NMBR: variants seen among roughly 807,000 people sequenced by gnomAD.
The protein encoded by NMBR is neuromedin B receptor, also known as neuromedin-B receptor.
In NMBR, 16 loss-of-function variants were observed where a neutral mutation model predicts 20.5. The observed-to-expected ratio is 0.78, with a 90% CI of 0.53 to 1.19. NMBR has a LOEUF of 1.19. Ranked by LOEUF, NMBR falls within the 50% of genes most tolerant of loss-of-function variation. NMBR has a pLI of 0.00. For missense variants in NMBR, 582 were observed against 499.1 expected (o/e 1.17, Z -1.58); for synonymous variants, 212 against 196.6 (o/e 1.08, Z -0.65).
rs779170966 is a variant in NMBR at position 142,078,645 on chromosome 6, AATAGCAAGTGGT to A, written c.669_680del (p.Pro224_Ile227del). ...CAATATGATAATAATAAATGCTAAT[AATAGCAAGTGGT>A]ATGAGGAAATAGACCAAGAAAATGA... On this transcript the variant is annotated inframe_deletion, in exon 3 of 4. Coordinates refer to ENST00000258042, the MANE Select transcript of NMBR (RefSeq NM_002511.4). 70 of 1,612,988 alleles carry A rather than the reference AATAGCAAGTGGT, an allele frequency of 4.3e-5. No individual in the cohort carries two copies. In the Middle Eastern group the frequency reaches 4.9e-4, roughly 11 times the overall value.
rs756760596 is a variant in NMBR, at chr6:142,088,665, C to T, written c.-7G>A. On this transcript the variant is annotated 5_prime_UTR_variant, in exon 2 of 4. Coordinates refer to ENST00000258042, the MANE Select transcript of NMBR (RefSeq NM_002511.4). Reference sequence around the variant, plus strand: ...AAAGAGACTTAGAGGGCATGATCTCCTTTCCAGCAGAGTCCGCTGGAGTTT... The same window carrying T: ...AAAGAGACTTAGAGGGCATGATCTCTTTTCCAGCAGAGTCCGCTGGAGTTT... 3.8e-6 allele frequency: 6 copies of T among 1,594,518 alleles called. No individual in the cohort carries two copies. In the South Asian group the frequency reaches 6.6e-5, roughly 18 times the overall value.
intron 2 of NMBR, among the ~76,000 whole-genome samples, chr6:142,084,806 G>T (rs554146363): frequency 6.6e-5 from 10 of 152,088 alleles, no homozygotes; most frequent in Admixed American, 4.6e-4. Context: ...TAACTATAAC[G>T]CCAACCAGGA....
intron 1 of NMBR, among the ~76,000 whole-genome samples, chr6:142,136,353 T>C (rs1228768555): frequency 6.6e-6 from 1 of 152,232 alleles, no homozygotes; most frequent in African/African-American, 2.4e-5. Flanking sequence ...GTTTGTTTTT[T>C]TCTTGTAAAT....
At chr6:142,087,142 A>G (rs2114564828) in intron 2 of NMBR, among the ~76,000 whole-genome samples, 1 of 152,322 alleles carries the variant, frequency 6.6e-6, no homozygotes, top group South Asian at 2.1e-4. Context: ...TCTCTGTTGA[A>G]TGCTGTGTTT....
At chr6:142,105,148 G>T (rs549395823) in intron 1 of NMBR, among the ~76,000 whole-genome samples, 1 of 151,996 alleles carries the variant, frequency 6.6e-6, no homozygotes, top group Admixed American at 6.6e-5. Context: ...GGGCGGGGAG[G>T]GGGTATTTTC....
chr6:142,136,643 T>C (rs1778263142), intron 1 of NMBR, among the ~76,000 whole-genome samples: 1 of 152,214 alleles, frequency 6.6e-6, no homozygotes, highest in Non-Finnish European at 1.5e-5. Context: ...AACATTTAAG[T>C]CTTTAAACCA....
At chr6:142,098,485 C>T (rs372289428) in intron 1 of NMBR, among the ~76,000 whole-genome samples, 208 of 152,000 alleles carry the variant, frequency 1.4e-3, no homozygotes, top group Non-Finnish European at 2.5e-3. Context: ...GAGAGGTTGC[C>T]AAATAAAAAT....
In NMBR at chr6:142,074,719, C is replaced by T. The variant is rs1408544966; in HGVS notation, c.*929G>A. 1.3e-5 allele frequency among the ~76,000 whole-genome samples: 2 copies of T among 151,956 alleles called. No individual in the cohort carries two copies. The highest frequency in any genetic ancestry group is 4.8e-5 in the African/African-American group (2 of 41,404). On this transcript the variant is annotated 3_prime_UTR_variant, in exon 4 of 4. Coordinates refer to ENST00000258042, the MANE Select transcript of NMBR (RefSeq NM_002511.4). ...CTCACTGGAATTACACAAATCTTATCACATCTATACACAATCATCCAAATA... is the reference window on the plus strand; with the variant it reads ...CTCACTGGAATTACACAAATCTTATTACATCTATACACAATCATCCAAATA...
At chr6:142,111,591 G>A (rs1202424538) in intron 1 of NMBR, among the ~76,000 whole-genome samples, 6 of 152,018 alleles carry the variant, frequency 3.9e-5, no homozygotes, top group African/African-American at 9.7e-5. Context: ...TCCACCCACC[G>A]GTTTCAAATA....
chr6:142,078,992 G>C, intron 2 of NMBR, 89 bp from the exon 3 acceptor site: 1 of 842,860 alleles, frequency 1.2e-6, no homozygotes, highest in Non-Finnish European at 1.7e-6. Flanking sequence ...AAGGAAGAAA[G>C]GGAGAGAGAG....
chr6:142,113,147 GA>G (rs1258513491), intron 1 of NMBR, among the ~76,000 whole-genome samples: 3 of 151,864 alleles, frequency 2.0e-5, no homozygotes, highest in Non-Finnish European at 4.4e-5. Context: ...TTAGCATTTG[GA>G]AAAGCTGAAA....
chr6:142,094,093 T>C (rs1198828273), intron 1 of NMBR, among the ~76,000 whole-genome samples: 2 of 152,174 alleles, frequency 1.3e-5, no homozygotes. Context: ...TATCCCATTC[T>C]GTAGGTTGCC....
intron 1 of NMBR, among the ~76,000 whole-genome samples, chr6:142,146,107 T>C (rs907926869): frequency 1.3e-5 from 2 of 152,112 alleles, no homozygotes; most frequent in African/African-American, 4.8e-5. Context: ...AATATGCCGC[T>C]GAGATTGGGG....
chr6:142,113,559 A>G (rs1027123274), intron 1 of NMBR, among the ~76,000 whole-genome samples: 15 of 152,164 alleles, frequency 9.9e-5, no homozygotes, highest in African/African-American at 3.6e-4. Flanking sequence ...ATAAAACAAT[A>G]TAAAATAATT....
chr6:142,078,325 T>G (rs1776992827), intron 3 of NMBR, among the ~76,000 whole-genome samples: 1 of 152,224 alleles, frequency 6.6e-6, no homozygotes, highest in African/African-American at 2.4e-5. Flanking sequence ...TGGTGGAATG[T>G]CAGGCCTTAT....
At chr6:142,079,359 T>A (rs1257098591) in intron 2 of NMBR, among the ~76,000 whole-genome samples, 1 of 152,146 alleles carries the variant, frequency 6.6e-6, no homozygotes, top group Non-Finnish European at 1.5e-5. Flanking sequence ...AGTCTACAAG[T>A]CATTCCACTA....
chr6:142,100,789 G>C (rs537923895), intron 1 of NMBR, among the ~76,000 whole-genome samples: 1 of 152,180 alleles, frequency 6.6e-6, no homozygotes, highest in Non-Finnish European at 1.5e-5. Context: ...GACTATGTAC[G>C]TGTGTTGGTA....
At position 142,075,615 on chromosome 6, in the gene NMBR, G is replaced by T. The variant is rs1019730532; in HGVS notation, c.*33C>A. 1.3e-6 allele frequency: 2 copies of T among 1,558,202 alleles called. No homozygotes were observed. The highest frequency in any genetic ancestry group is 1.7e-6 in the Non-Finnish European group (2 of 1,150,950). ...GAATAGGAATTTTAACAGTTACTAA[G>T]TTCTCTCCAGGTAGTGAGTTGAATG... On this transcript the variant is annotated 3_prime_UTR_variant, in exon 4 of 4. Transcript: ENST00000258042.
chr6:142,106,350 T>A (rs1777662026), intron 1 of NMBR, among the ~76,000 whole-genome samples: 1 of 152,186 alleles, frequency 6.6e-6, no homozygotes. Flanking sequence ...CTAGACCTCA[T>A]CATGTCCACC....
Sources: allele counts gnomAD v4.1 joint callset (sites outside exome capture counted in the v4.1 genomes callset), GRCh38; gene constraint gnomAD v4.1.1; transcripts MANE v1.5; gene names NCBI Gene and HGNC (gene_info 2026-07-23, HGNC 2026-07-21).